Variants in AKAP6 observed in about 807,000 individuals in gnomAD.
AKAP6 encodes A-kinase anchoring protein 6, also known as A-kinase anchor protein 6.
A neutral mutation model predicts 188.5 loss-of-function variants in AKAP6; 58 were observed. That is an observed-to-expected ratio of 0.31 (90% CI 0.25 to 0.38). The LOEUF is 0.38. Among genes scored for constraint, AKAP6 ranks in the 10% least tolerant of loss-of-function variants. The pLI is 1.00. For missense variants in AKAP6, 2,710 were observed against 2,740.0 expected, an observed-to-expected ratio of 0.99 and a Z score of 0.24; for synonymous variants, 989 against 998.6, an observed-to-expected ratio of 0.99 and a Z score of 0.18.
At chr14:32,460,305 A>G (rs1261375901) in intron 2 of AKAP6, among the ~76,000 whole-genome samples, 1 of 152,242 alleles carries the variant, frequency 6.6e-6, no homozygotes, top group Non-Finnish European at 1.5e-5. Flanking sequence ...TAAAAGAGAT[A>G]TAAGAGATAT....
At chr14:32,559,817 T>C (rs907870299) in intron 4 of AKAP6, among the ~76,000 whole-genome samples, 1 of 149,840 alleles carries the variant, frequency 6.7e-6, no homozygotes, top group African/African-American at 2.5e-5. Context: ...GGCAGAGTCT[T>C]GCTCTGTTGC....
At chr14:32,716,066 G>A (rs2030181598) in intron 9 of AKAP6, among the ~76,000 whole-genome samples, 1 of 151,912 alleles carries the variant, frequency 6.6e-6, no homozygotes, top group African/African-American at 2.4e-5. Flanking sequence ...TAAGGCACAG[G>A]GAAGCACACA....
intron 9 of AKAP6, among the ~76,000 whole-genome samples, chr14:32,704,527 C>A (rs1390823145): frequency 6.6e-6 from 1 of 152,114 alleles, no homozygotes; most frequent in Admixed American, 6.5e-5. Flanking sequence ...ATAGCAGTGA[C>A]CCTCACCTAC....
intron 7 of AKAP6, among the ~76,000 whole-genome samples, chr14:32,633,853 A>G (rs981055293): frequency 3.9e-5 from 6 of 152,110 alleles, no homozygotes; most frequent in South Asian, 2.1e-4. Flanking sequence ...ACCAGGCTGC[A>G]CTTCTTCATG....
chr14:32,489,380 T>A (rs1450317275), intron 2 of AKAP6, among the ~76,000 whole-genome samples: 1 of 152,094 alleles, frequency 6.6e-6, no homozygotes, highest in Admixed American at 6.5e-5. Flanking sequence ...AGCTAATTTT[T>A]AAAATTTTTT....
intron 1 of AKAP6, among the ~76,000 whole-genome samples, chr14:32,348,352 G>C (rs539143843): frequency 1.8e-4 from 27 of 151,572 alleles, no homozygotes; most frequent in Admixed American, 1.8e-3. Context: ...TTAGTAAGAA[G>C]AATGTGGATA....
At chr14:32,674,044 A>G (rs2139622065) in intron 7 of AKAP6, among the ~76,000 whole-genome samples, 1 of 152,368 alleles carries the variant, frequency 6.6e-6, no homozygotes, top group East Asian at 1.9e-4. Flanking sequence ...GAGAAGTAGC[A>G]TATCAGCTGA....
At chr14:32,717,860 C>G (rs1264043453) in intron 9 of AKAP6, among the ~76,000 whole-genome samples, 1 of 152,084 alleles carries the variant, frequency 6.6e-6, no homozygotes, top group Non-Finnish European at 1.5e-5. Context: ...CCTATCTGCC[C>G]TTTTAGCCTC....
intron 2 of AKAP6, among the ~76,000 whole-genome samples, chr14:32,491,137 A>C (rs1175480411): frequency 6.6e-6 from 1 of 152,134 alleles, no homozygotes; most frequent in Non-Finnish European, 1.5e-5. Context: ...CCTTCTCCCT[A>C]ATTGCTTCAT....
At position 32,823,439 on chromosome 14, in the gene AKAP6, C is replaced by A. The variant is rs147125559; in HGVS notation, c.5626C>A (p.Arg1876Ser). Residue 1876 changes from arginine (R) to serine (S), a missense_variant, in exon 13 of 14, where the codon CGT becomes AGT. Physicochemically the swap from Arg to Ser is moderately radical, Grantham distance 110 (BLOSUM62 -1). Coordinates refer to ENST00000280979, the MANE Select transcript of AKAP6 (RefSeq NM_004274.5). ...TCATACCCATGAGTTAGGGACAAAGCGTGAAAATAAGAAAACTATTTTCAA... is the reference window on the plus strand; with the variant it reads ...TCATACCCATGAGTTAGGGACAAAGAGTGAAAATAAGAAAACTATTTTCAA... ...SSHTHELGTK[R>S]ENKKTIFKVN... is the part of the protein sequence containing the mutation. 1 of 1,613,148 alleles carries A rather than the reference C, an allele frequency of 6.2e-7. No homozygotes were observed. The highest frequency in any genetic ancestry group is 8.5e-7 in the Non-Finnish European group (1 of 1,179,774).
intron 7 of AKAP6, among the ~76,000 whole-genome samples, chr14:32,612,499 A>G (rs1477610889): frequency 6.6e-6 from 1 of 152,090 alleles, no homozygotes; most frequent in Non-Finnish European, 1.5e-5. Flanking sequence ...CCATCTTAAC[A>G]TCTGTTCTTC....
chr14:32,672,656 C>T (rs541478327), intron 7 of AKAP6, among the ~76,000 whole-genome samples: 5 of 152,174 alleles, frequency 3.3e-5, no homozygotes, highest in Middle Eastern at 3.4e-3. Flanking sequence ...GGGGTTAGGG[C>T]TTCAACATAG....
At chr14:32,427,332 A>G (rs979368764) in intron 1 of AKAP6, among the ~76,000 whole-genome samples, 6 of 152,206 alleles carry the variant, frequency 3.9e-5, no homozygotes, top group African/African-American at 1.4e-4. Context: ...AGAAGGCATC[A>G]GGCAGCAATT....
At chr14:32,721,595 C>T (rs965697899) in intron 9 of AKAP6, among the ~76,000 whole-genome samples, 13 of 152,112 alleles carry the variant, frequency 8.5e-5, no homozygotes, top group Admixed American at 7.9e-4. Flanking sequence ...TTCAGTTAAC[C>T]CTGCCCTTTC....
chr14:32,751,078 A>G (rs2032118949), intron 11 of AKAP6, among the ~76,000 whole-genome samples: 1 of 152,064 alleles, frequency 6.6e-6, no homozygotes, highest in Non-Finnish European at 1.5e-5. Context: ...AGATAGTGGG[A>G]CTGGGTTGCT....
Position 32,546,282 on chromosome 14 carries a change from G to T in AKAP6, c.1629G>T (p.Gly543=). ...ELSYTSKAIE[G]PQTNSASTSS... ...CTTATACTTCCAAGGCCATAGAGGG[G>T]CCACAAACAAATTCTGCTTCCACAT... The change falls in exon 4 of 14, where the codon GGG becomes GGT. Residue 543 remains glycine, a synonymous_variant. Coordinates refer to ENST00000280979, the MANE Select transcript of AKAP6 (RefSeq NM_004274.5). 3.1e-6 allele frequency: 5 copies of T among 1,614,150 alleles called. No homozygotes were observed. The highest frequency in any genetic ancestry group is 4.2e-6 in the Non-Finnish European group (5 of 1,180,028).
intron 1 of AKAP6, among the ~76,000 whole-genome samples, chr14:32,359,182 T>C (rs1319630261): frequency 6.6e-6 from 1 of 152,106 alleles, no homozygotes; most frequent in South Asian, 2.1e-4. Flanking sequence ...AGAGTTTTAG[T>C]ACAAAAAAAA....
intron 7 of AKAP6, among the ~76,000 whole-genome samples, chr14:32,639,192 A>G (rs535804868): frequency 7.2e-5 from 11 of 152,174 alleles, no homozygotes; most frequent in Non-Finnish European, 1.3e-4. Context: ...TAAAGGAGTT[A>G]TAGATGATTC....
chr14:32,659,853 A>G (rs1204392235), intron 7 of AKAP6, among the ~76,000 whole-genome samples: 1 of 152,144 alleles, frequency 6.6e-6, no homozygotes, highest in Non-Finnish European at 1.5e-5. Context: ...ACTTACCATC[A>G]GTCTCAGAGG....
Sources: gnomAD v4.1 joint callset for allele counts (sites outside exome capture counted in the v4.1 genomes callset) on GRCh38, gnomAD v4.1.1 for gene constraint, MANE v1.5 for transcripts, NCBI Gene and HGNC (gene_info 2026-07-23, HGNC 2026-07-21) for gene names.